Variants in ITIH6 observed in about 807,000 individuals in gnomAD.
ITIH6 encodes inter-alpha-trypsin inhibitor heavy chain family member 6.
A neutral mutation model predicts 58.2 loss-of-function variants in ITIH6; 60 were observed. That is an observed-to-expected ratio of 1.03 (90% CI 0.84 to 1.28). The LOEUF is 1.28. ITIH6 is among the 50% of genes most tolerant of loss of function. The probability of loss-of-function intolerance (pLI) is 0.00; values close to 1 mark genes in which losing one functional copy is unlikely to be tolerated. For synonymous variants in ITIH6, 493 were observed against 417.4 expected, an observed-to-expected ratio of 1.18 and a Z score of -2.21; for missense variants, 1,290 against 1,021.1, an observed-to-expected ratio of 1.26 and a Z score of -3.59.
At chrX:54,769,074 A>G (rs1265086444) in intron 6 of ITIH6, among the ~76,000 whole-genome samples, 1 of 100,625 alleles carries the variant, frequency 9.9e-6, no homozygotes, top group Non-Finnish European at 2.0e-5. Flanking sequence ...GGCTTTGCTC[A>G]TTTCTTTTTA....
Position 54,751,327 on chromosome X carries a change from C to A in ITIH6, c.3406G>T (p.Asp1136Tyr). Residue 1136 changes from aspartate (D) to tyrosine (Y), a missense_variant, in exon 12 of 13, where the codon GAC (aspartate) becomes TAC (tyrosine). Physicochemically the swap from Asp to Tyr is radical, Grantham distance 160 (BLOSUM62 -3). Coordinates refer to ENST00000218436, the MANE Select transcript of ITIH6 (RefSeq NM_198510.3). ...ATCTGGAAGTAGGTGCGAGTCTGGTCCTTGTGGCCCGGCCTTGGTGGTGCG... is the reference window on the plus strand; with the variant it reads ...ATCTGGAAGTAGGTGCGAGTCTGGTACTTGTGGCCCGGCCTTGGTGGTGCG... ...LGAPPRPGHKDQTRTYFQIIT... is the reference protein window; with the variant it reads ...LGAPPRPGHKYQTRTYFQIIT... 1 of 1,211,791 alleles carries A rather than the reference C, an allele frequency of 8.3e-7. No individual in the cohort carries two copies. Among genetic ancestry groups the A allele is most frequent in the East Asian group, 3.0e-5 (1 of 33,839 alleles).
chrX:54,784,979 G>A (rs1436360802), intron 5 of ITIH6, among the ~76,000 whole-genome samples: 3 of 111,806 alleles, frequency 2.7e-5, no homozygotes, highest in Non-Finnish European at 5.6e-5. Flanking sequence ...TAAAGAAAAC[G>A]TGGTGCATAT....
intron 6 of ITIH6, among the ~76,000 whole-genome samples, chrX:54,771,383 CT>C (rs1408968508): frequency 1.8e-5 from 2 of 111,417 alleles, no homozygotes; most frequent in African/African-American, 6.5e-5. Flanking sequence ...TCTTAAAATT[CT>C]TTTTATTTTT....
Position 54,769,698 on chromosome X carries a change from A to C in ITIH6, c.903+4383T>G, listed in dbSNP as rs1249764650. On this transcript the variant is annotated intron_variant, in intron 6 of 12. Transcript: ENST00000218436. ...CTCCCAGTTAGGCTGCTCGGGGGTC[A>C]GGGGTCAGGGACCCACTTGAGGAGG... 8.4e-5 allele frequency among the ~76,000 whole-genome samples: 8 copies of C among 95,067 alleles called. No individual in the cohort carries two copies. The Admixed American group carries it at 9.3e-4, about 11-fold the overall frequency. The allele number at this position is 95,067 out of a possible 115,157, so 82.6% of individuals were successfully genotyped here. A position where few individuals can be genotyped will look rare whatever the true frequency, so the allele number is the denominator to read the frequency against.
chrX:54,756,983 G>A lies in ITIH6; in HGVS notation c.3091C>T (p.Leu1031Phe). The A allele has an allele frequency of 1.7e-6, 2 of 1,183,649 alleles. No homozygotes were observed. Among genetic ancestry groups the A allele is most frequent in the Non-Finnish European group, 2.3e-6 (2 of 877,247 alleles). ...CACTCACCATCTTCATCAGGAGTGA[G>A]GAAGGTATAGAAAGCTGGTGGGTTC... The part of the protein sequence containing the change: ...SLNPPAFYTF[L>F]TPDEDGSPNW... Residue 1031 changes from leucine to phenylalanine, a missense_variant, in exon 8 of 13, where the codon CTC becomes TTC. Leu to Phe is a conservative substitution (Grantham distance 22). Transcript: ENST00000218436.
At chrX:54,753,594 A>C in intron 11 of ITIH6, 57 bp downstream of exon 11, 1 of 852,600 alleles carries the variant, frequency 1.2e-6, no homozygotes, top group Non-Finnish European at 1.8e-6. Context: ...GTCTAGGGGT[A>C]TTGACATGGA....
chrX:54,773,636 T>C (rs1168107524), intron 6 of ITIH6, among the ~76,000 whole-genome samples: 15 of 109,883 alleles, frequency 1.4e-4, no homozygotes, highest in Non-Finnish European at 2.7e-4. Flanking sequence ...ATATGACTCC[T>C]GACTCTATGG....
At chrX:54,756,421 G>T (rs1928486181) in intron 8 of ITIH6, among the ~76,000 whole-genome samples, 1 of 111,969 alleles carries the variant, frequency 8.9e-6, no homozygotes, top group South Asian at 3.8e-4. Flanking sequence ...TTTCTTGTGA[G>T]GATTAAATGA....
intron 6 of ITIH6, among the ~76,000 whole-genome samples, chrX:54,770,822 G>A (rs1041287999): frequency 8.9e-6 from 1 of 112,058 alleles, no homozygotes; most frequent in Non-Finnish European, 1.9e-5. Context: ...GTAGATCCAA[G>A]TATCTGAGAT....
rs774809382 is a variant in ITIH6 at position 54,749,876 on chromosome X, C to A, written c.*19G>T. 1.7e-6 allele frequency: 2 copies of A among 1,184,833 alleles called. No individual in the cohort carries two copies. The highest frequency in any genetic ancestry group is 2.5e-4 in the Middle Eastern group (1 of 4,055). On this transcript the variant is annotated 3_prime_UTR_variant, in exon 13 of 13. Coordinates refer to ENST00000218436, the MANE Select transcript of ITIH6 (RefSeq NM_198510.3). Reference sequence around the variant, plus strand: ...GATCTCCCAAATTCAGGTCTCCTGGCTCTGGAATTCAGAAGCCATCACAGG... The same window carrying A: ...GATCTCCCAAATTCAGGTCTCCTGGATCTGGAATTCAGAAGCCATCACAGG...
At chrX:54,786,737 C>T (rs929042973) in intron 5 of ITIH6, among the ~76,000 whole-genome samples, 1 of 111,162 alleles carries the variant, frequency 9.0e-6, no homozygotes, top group African/African-American at 3.3e-5. Flanking sequence ...TTCCATCTTA[C>T]CTTGTGTGTC....
In ITIH6 at chrX:54,751,234, G is replaced by A. The variant is rs1178688568; in HGVS notation, c.3499C>T (p.Arg1167Ter). ...GACAGGCGCAAGGTACCCTCGCCTC[G>A]CAAAGATATAGAACTGCGGCTGATG... ...ITISRSSISL[R>*]GEGTLRLSWD... Residue 1167 changes from arginine to a stop codon, truncating the protein, a stop_gained, in exon 12 of 13, where the codon CGA (arginine) becomes TGA (stop). Transcript: ENST00000218436. LOFTEE classifies it high-confidence loss of function. 11 of 1,211,867 alleles carry A rather than the reference G, an allele frequency of 9.1e-6. No homozygotes were observed. Among genetic ancestry groups the A allele is most frequent in the Admixed American group, 6.5e-5 (3 of 46,095 alleles).
chrX:54,796,321 C>T (rs1929439149), intron 2 of ITIH6, among the ~76,000 whole-genome samples: 1 of 112,448 alleles, frequency 8.9e-6, no homozygotes, highest in Non-Finnish European at 1.9e-5. Flanking sequence ...CTAATATTAT[C>T]AACTACTTAA....
Position 54,758,423 on chromosome X carries a change from C to A in ITIH6, c.1651G>T (p.Glu551Ter), listed in dbSNP as rs151070597. 3.4e-4 allele frequency: 410 copies of A among 1,208,659 alleles called. 2 individuals carry two copies. Among genetic ancestry groups the A allele is most frequent in the Non-Finnish European group, 3.8e-4 (342 of 894,353 alleles). ...AAGTGGGCCACATTGGGGGCTGGCTCCCCTGGGCAACCAAAGGCCTTCTGG... is the reference window on the plus strand; with the variant it reads ...AAGTGGGCCACATTGGGGGCTGGCTACCCTGGGCAACCAAAGGCCTTCTGG... Reference protein sequence around the residue: ...NSQKAFGCPGEPAPNVAHFIR... With the variant: ...NSQKAFGCPG Residue 551 changes from glutamate (E) to a stop codon, truncating the protein, a stop_gained, in exon 8 of 13, where the codon GAG becomes TAG. Transcript: ENST00000218436. LOFTEE classifies it high-confidence loss of function.
chrX:54,753,110 A>G (rs918210680), intron 11 of ITIH6, among the ~76,000 whole-genome samples: 13 of 113,181 alleles, frequency 1.1e-4, no homozygotes, highest in African/African-American at 4.2e-4. Flanking sequence ...CAATTTTTCA[A>G]GAGTTTTGAT....
intron 4 of ITIH6, 140 bp from the exon 5 acceptor site, chrX:54,788,789 C>A: frequency 2.1e-6 from 1 of 480,601 alleles, no homozygotes; most frequent in Non-Finnish European, 3.6e-6. Flanking sequence ...TGCCTCCTGC[C>A]TACATCTTTC....
intron 6 of ITIH6, among the ~76,000 whole-genome samples, chrX:54,770,757 A>G (rs1211815546): frequency 8.9e-6 from 1 of 112,279 alleles, no homozygotes; most frequent in Non-Finnish European, 1.9e-5. Flanking sequence ...TTAATAAGAA[A>G]ACTATTTTAT....
In ITIH6 at chrX:54,749,049, A is replaced by G. The variant is rs1432318720; in HGVS notation, c.*846T>C. On this transcript the variant is annotated 3_prime_UTR_variant, in exon 13 of 13. Coordinates refer to ENST00000218436, the MANE Select transcript of ITIH6 (RefSeq NM_198510.3). ...TGTTTCCATAAATGTCTGTCCCTCT[A>G]TCCATCCATATCTGTGCCCTTGTCA... 3 of 111,232 alleles carry G rather than the reference A, an allele frequency of 2.7e-5. No homozygotes were observed. Among genetic ancestry groups the G allele is most frequent in the Non-Finnish European group, 5.7e-5 (3 of 53,071 alleles). 9.2% of individuals were successfully genotyped at this position (111,232 alleles called of 1,213,427 possible). A position where few individuals can be genotyped will look rare whatever the true frequency, so the allele number is the denominator to read the frequency against.
chrX:54,762,650 G>A (rs1928673610), intron 6 of ITIH6, among the ~76,000 whole-genome samples: 1 of 111,805 alleles, frequency 8.9e-6, no homozygotes, highest in South Asian at 3.8e-4. Flanking sequence ...TGCCAACCCT[G>A]ACCCCTGCCC....
Sources: allele counts gnomAD v4.1 joint callset (sites outside exome capture counted in the v4.1 genomes callset), GRCh38; gene constraint gnomAD v4.1.1; transcripts MANE v1.5; gene names NCBI Gene and HGNC (gene_info 2026-07-23, HGNC 2026-07-21).